The following FER1L5 variants were observed in gnomAD, a reference collection of about 807,000 sequenced individuals.
FER1L5 encodes fer-1 like family member 5.
Under a neutral mutation model 279.9 loss-of-function variants are expected in FER1L5, and 187 were observed. The observed-to-expected ratio is 0.67, with a 90% CI of 0.59 to 0.75. The LOEUF is 0.75. Ranked by LOEUF, FER1L5 falls within the 30% of genes least tolerant of loss-of-function variation. FER1L5 has a pLI of 0.00. For missense variants in FER1L5, 2,091 were observed against 2,594.4 expected, an observed-to-expected ratio of 0.81 and a Z score of 4.21; for synonymous variants, 921 against 989.7, an observed-to-expected ratio of 0.93 and a Z score of 1.30.
rs1305355587 is a variant in FER1L5, at chr2:96,695,859, T to C, written c.4012T>C (p.Phe1338Leu). 2 of 1,613,722 alleles carry C rather than the reference T, an allele frequency of 1.2e-6. No individual in the cohort carries two copies. The highest frequency in any genetic ancestry group is 1.7e-5 in the Admixed American group (1 of 59,980). The stretch of plus-strand genomic sequence containing the variant: ...CAACATCGACTTCCTCCAGCCCTAC[T>C]TCTGTGACCCCTGGGCTCAAGACTA... The part of the protein sequence containing the change: ...QANIDFLQPY[F>L]CDPWAQDYMH... The change falls in exon 36 of 53, where the codon TTC becomes CTC. Residue 1338 changes from phenylalanine to leucine, a missense_variant. By Grantham distance (22) the Phe-to-Leu change is conservative. Transcript: ENST00000624922.
intron 31 of FER1L5, among the ~76,000 whole-genome samples, chr2:96,692,809 C>A (rs1158378733): frequency 6.6e-6 from 1 of 152,062 alleles, no homozygotes; most frequent in Non-Finnish European, 1.5e-5. Context: ...AGCTGTGTCC[C>A]TTGGGCTTCA....
intron 13 of FER1L5, 64 bp downstream of exon 13, chr2:96,662,331 A>T: frequency 1.3e-6 from 2 of 1,492,118 alleles, no homozygotes; most frequent in Admixed American, 3.9e-5. Flanking sequence ...TTTGGAGAGG[A>T]GGGTGGCCTG....
intron 2 of FER1L5, 61 bp from the exon 3 acceptor site, chr2:96,647,003 C>G: frequency 1.3e-6 from 2 of 1,507,692 alleles, no homozygotes; most frequent in Non-Finnish European, 1.8e-6. Flanking sequence ...TTCCTCATTT[C>G]CTAGAAACAT....
Position 96,686,257 on chromosome 2 carries a change from T to C in FER1L5, c.2136T>C (p.Tyr712=), listed in dbSNP as rs1367327602. The change falls in exon 23 of 53, where the codon TAT becomes TAC. Residue 712 remains tyrosine (Y), a synonymous_variant. Coordinates refer to ENST00000624922, the MANE Select transcript of FER1L5 (RefSeq NM_001293083.2). ...TGGCCAAGGAGCAGCGAGTGGCCTATGCACAGGTGCCTGCCCACTCCGTCC... is the reference window on the plus strand; with the variant it reads ...TGGCCAAGGAGCAGCGAGTGGCCTACGCACAGGTGCCTGCCCACTCCGTCC... The part of the protein sequence containing the change: ...WLVAKEQRVA[Y]AQVPAHSVLF... 6 of 1,551,506 alleles carry C rather than the reference T, an allele frequency of 3.9e-6. No homozygotes were observed. Among genetic ancestry groups the C allele is most frequent in the Non-Finnish European group, 5.2e-6 (6 of 1,146,992 alleles).
intron 12 of FER1L5, 61 bp from the exon 13 acceptor site, chr2:96,662,154 C>A: frequency 6.6e-7 from 1 of 1,506,280 alleles, no homozygotes; most frequent in Non-Finnish European, 9.0e-7. Context: ...CTGTCGCCAC[C>A]CTATTTCCTC....
chr2:96,673,926 T>C (rs1389791434), intron 19 of FER1L5, among the ~76,000 whole-genome samples: 1 of 152,194 alleles, frequency 6.6e-6, no homozygotes, highest in African/African-American at 2.4e-5. Flanking sequence ...GCTGTCTCAC[T>C]TTCATCTTTT....
At chr2:96,699,864 C>T in intron 43 of FER1L5, 68 bp from the exon 44 acceptor site, 1 of 1,591,112 alleles carries the variant, frequency 6.3e-7, no homozygotes, top group Non-Finnish European at 8.6e-7. Context: ...CCGTGGTCAA[C>T]CTGCAGCTCA....
At position 96,699,086 on chromosome 2, in the gene FER1L5, T is replaced by G; in HGVS notation, c.4560T>G (p.Leu1520=). Residue 1520 remains leucine, a synonymous_variant, in exon 42 of 53, where the codon CTT becomes CTG. Transcript: ENST00000624922. The stretch of plus-strand genomic sequence containing the variant: ...TCCTGAAACTGGGCAAGACAGAGCT[T>G]GGCAACCGGGACATGTACCAGCCCA... ...YVILKLGKTE[L]GNRDMYQPNT... is the part of the protein sequence containing the mutation. The G allele has an allele frequency of 1.2e-6, 2 of 1,612,222 alleles. No homozygotes were observed. Among genetic ancestry groups the G allele is most frequent in the East Asian group, 4.5e-5 (2 of 44,792 alleles).
chr2:96,667,598 C>T (rs1422271847), intron 14 of FER1L5, among the ~76,000 whole-genome samples: 26 of 152,274 alleles, frequency 1.7e-4, no homozygotes, highest in Admixed American at 1.5e-3. Flanking sequence ...CTGCCCGCCT[C>T]GGCCTCCCAA....
At chr2:96,649,776 G>A in intron 5 of FER1L5, 99 bp downstream of exon 5, 2 of 1,211,250 alleles carry the variant, frequency 1.7e-6, no homozygotes, top group Non-Finnish European at 2.4e-6. Context: ...CAGCCCTTGA[G>A]GCCTACAGAA....
intron 39 of FER1L5, 57 bp from the exon 40 acceptor site, chr2:96,697,980 C>T: frequency 6.5e-7 from 1 of 1,529,100 alleles, no homozygotes; most frequent in Non-Finnish European, 8.8e-7. Flanking sequence ...GGTGGTCCCT[C>T]CATCTCCTAA....
intron 6 of FER1L5, among the ~76,000 whole-genome samples, chr2:96,651,279 CTTT>C (rs2075362761): frequency 6.7e-6 from 1 of 148,302 alleles, no homozygotes; most frequent in African/African-American, 2.5e-5. Context: ...TTCTTTCTTT[CTTT>C]CTTTCTTTCT....
rs768777630 is a variant in FER1L5 at position 96,698,651 on chromosome 2, C to G, written c.4357-20C>G. 1 of 1,570,448 alleles carries G rather than the reference C, an allele frequency of 6.4e-7. No individual in the cohort carries two copies. Among genetic ancestry groups the G allele is most frequent in the South Asian group, 1.2e-5 (1 of 85,288 alleles). On this transcript the variant is annotated intron_variant, in intron 40 of 52. Coordinates refer to ENST00000624922, the MANE Select transcript of FER1L5 (RefSeq NM_001293083.2). This position sits in a 1 kb window ranked among gnomAD's most constrained non-coding sequence, Gnocchi z 5.5. ...GGCCAGCACTGCCAGGCTGGGCCCC[C>G]AACACCCTCCCCCCGCCAGGGCCTT...
intron 18 of FER1L5, among the ~76,000 whole-genome samples, chr2:96,672,829 C>G (rs982205830): frequency 6.6e-6 from 1 of 152,120 alleles, no homozygotes; most frequent in Non-Finnish European, 1.5e-5. Context: ...AGACCACCCC[C>G]CTCCCCAGCC....
Position 96,694,632 on chromosome 2 carries a change from G to T in FER1L5, c.3741+168G>T. On this transcript the variant is annotated intron_variant, in intron 34 of 52. Transcript: ENST00000624922. The surrounding 1 kb of genome is among the most constrained non-coding windows in gnomAD (Gnocchi z 4.6). ...AGGAGAGAAACGAAGAGGTTCTGGT[G>T]TAACACTGGAAATCATTTTACCACA... 1.9e-6 allele frequency: 1 copy of T among 523,604 alleles called. No homozygotes were observed. Among genetic ancestry groups the T allele is most frequent in the South Asian group, 3.9e-5 (1 of 25,936 alleles). The allele number at this position is 523,604 out of a possible 1,614,324, so 32.4% of individuals were successfully genotyped here.
At position 96,686,080 on chromosome 2, in the gene FER1L5, AG is replaced by A; in HGVS notation, c.2038del (p.Asp680ThrfsTer20). The A allele has an allele frequency of 1.3e-6, 2 of 1,551,542 alleles. No individual in the cohort carries two copies. The highest frequency in any genetic ancestry group is 1.7e-6 in the Non-Finnish European group (2 of 1,146,930). ...AKPKDMVATA[E>X]DWLYRLNTVL... ...CCCAAGGACATGGTGGCCACAGCGGAGGACTGGCTGTACCGCCTCAACACCG... is the reference window on the plus strand; with the variant it reads ...CCCAAGGACATGGTGGCCACAGCGGAGACTGGCTGTACCGCCTCAACACCG... On this transcript the variant is annotated frameshift_variant, in exon 22 of 53. Transcript: ENST00000624922. LOFTEE classifies it high-confidence loss of function.
At position 96,669,026 on chromosome 2, in the gene FER1L5, ACT is replaced by A. The variant is rs752335738; in HGVS notation, c.1268-9_1268-8del. The A allele has an allele frequency of 1.9e-5, 30 of 1,549,594 alleles. No individual in the cohort carries two copies. The highest frequency in any genetic ancestry group is 3.9e-5 in the Admixed American group (2 of 50,802). On this transcript the variant is annotated splice_polypyrimidine_tract_variant and intron_variant, in intron 16 of 52. Coordinates refer to ENST00000624922, the MANE Select transcript of FER1L5 (RefSeq NM_001293083.2). The stretch of plus-strand genomic sequence containing the variant: ...CCTCGTCCTGCGCCCGACCCTTCTC[ACT>A]CTCTCTCCTTCCAGGAGTGTACTCC...
chr2:96,656,853 A>G (rs1010705161), intron 9 of FER1L5, among the ~76,000 whole-genome samples: 1 of 150,480 alleles, frequency 6.6e-6, no homozygotes, highest in Non-Finnish European at 1.5e-5. Flanking sequence ...TCTTCAGGGA[A>G]TCATTTTGCA....
intron 20 of FER1L5, among the ~76,000 whole-genome samples, chr2:96,684,894 G>A (rs904881074): frequency 2.0e-5 from 3 of 152,170 alleles, no homozygotes; most frequent in African/African-American, 7.2e-5. Flanking sequence ...GCGGCAATGT[G>A]CTGGTTTCTG....
Sources: allele counts gnomAD v4.1 joint callset (sites outside exome capture counted in the v4.1 genomes callset), GRCh38; gene constraint gnomAD v4.1.1; non-coding constraint Gnocchi (gnomAD v3.1); transcripts MANE v1.5; gene names NCBI Gene and HGNC (gene_info 2026-07-23, HGNC 2026-07-21).